SNTG2: variants seen among roughly 807,000 people sequenced by gnomAD.
SNTG2 encodes syntrophin gamma 2.
In SNTG2, 74 loss-of-function variants were observed where a neutral mutation model predicts 70.9. That is an observed-to-expected ratio of 1.04 (90% CI 0.86 to 1.27). The LOEUF is 1.27. Ranked by LOEUF, SNTG2 falls within the 50% of genes most tolerant of loss-of-function variation. The pLI, the probability that SNTG2 is intolerant of heterozygous loss-of-function variation, is 0.00. For synonymous variants in SNTG2, 278 were observed against 273.8 expected, an observed-to-expected ratio of 1.02 and a Z score of -0.15; for missense variants, 717 against 690.7, an observed-to-expected ratio of 1.04 and a Z score of -0.43.
intron 4 of SNTG2, among the ~76,000 whole-genome samples, chr2:1,109,884 C>G (rs1045694994): frequency 1.6e-4 from 24 of 152,074 alleles, no homozygotes; most frequent in African/African-American, 5.6e-4. Context: ...GTTTTGTCCC[C>G]GAAAGAAAGG....
intron 6 of SNTG2, among the ~76,000 whole-genome samples, 178 bp from the exon 7 acceptor site, chr2:1,165,370 C>T (rs555720087): frequency 3.0e-4 from 45 of 152,070 alleles, no homozygotes; most frequent in Non-Finnish European, 4.6e-4. Context: ...TAGGTGGTCT[C>T]GGAGGTGATA....
chr2:1,069,320 A>G (rs1663362537), intron 1 of SNTG2, among the ~76,000 whole-genome samples: 1 of 148,900 alleles, frequency 6.7e-6, no homozygotes, highest in South Asian at 2.2e-4. Flanking sequence ...ATATAAATGA[A>G]AAAAATTCTT....
intron 6 of SNTG2, among the ~76,000 whole-genome samples, chr2:1,151,096 C>T (rs184333937): frequency 7.2e-5 from 11 of 152,278 alleles, no homozygotes; most frequent in South Asian, 4.1e-4. Flanking sequence ...TATGGTATGA[C>T]GAACAGTGGA....
intron 15 of SNTG2, among the ~76,000 whole-genome samples, chr2:1,314,627 A>G (rs1386090757): frequency 6.6e-6 from 1 of 152,228 alleles, no homozygotes; most frequent in Non-Finnish European, 1.5e-5. Flanking sequence ...TCTGCTCGCG[A>G]CAAGAATGGA....
At chr2:1,193,674 G>C (rs1404687888) in intron 8 of SNTG2, among the ~76,000 whole-genome samples, 1 of 152,110 alleles carries the variant, frequency 6.6e-6, no homozygotes, top group African/African-American at 2.4e-5. Flanking sequence ...AAAGAAGAAA[G>C]TCCTGAGCAT....
At chr2:1,157,175 C>T (rs1033407280) in intron 6 of SNTG2, among the ~76,000 whole-genome samples, 20 of 152,184 alleles carry the variant, frequency 1.3e-4, no homozygotes, top group African/African-American at 4.6e-4. Context: ...TCCCCTCCAT[C>T]CCATCACTGC....
chr2:1,235,348 C>A (rs1418886940), intron 9 of SNTG2, among the ~76,000 whole-genome samples: 2 of 97,400 alleles, frequency 2.1e-5, no homozygotes, highest in Non-Finnish European at 4.2e-5. Flanking sequence ...GCAGGCCCCA[C>A]CAGGCACCCC....
At chr2:1,137,875 A>T in intron 6 of SNTG2, 66 bp downstream of exon 6, 1 of 1,426,050 alleles carries the variant, frequency 7.0e-7, no homozygotes, top group African/African-American at 1.4e-5. Context: ...TTGTCTCTAT[A>T]GTTGATATTT....
chr2:1,229,229 G>T (rs1293756204), intron 9 of SNTG2, among the ~76,000 whole-genome samples: 1 of 152,176 alleles, frequency 6.6e-6, no homozygotes, highest in Non-Finnish European at 1.5e-5. Context: ...GTAGAGCCTA[G>T]TGGTCTGTTT....
chr2:1,241,460 A>G (rs2148115554), intron 11 of SNTG2, among the ~76,000 whole-genome samples: 1 of 150,446 alleles, frequency 6.6e-6, no homozygotes, highest in East Asian at 1.9e-4. Context: ...AGAGGAAAGC[A>G]TTTTCTTTTT....
chr2:1,278,095 T>G (rs1307460104), intron 14 of SNTG2, among the ~76,000 whole-genome samples: 2 of 152,234 alleles, frequency 1.3e-5, no homozygotes, highest in Non-Finnish European at 2.9e-5. Flanking sequence ...AACTGGGACA[T>G]CTCTTTCGGT....
At chr2:991,360 G>A (rs968863059) in intron 1 of SNTG2, among the ~76,000 whole-genome samples, 4 of 113,816 alleles carry the variant, frequency 3.5e-5, no homozygotes, top group Non-Finnish European at 7.0e-5. Flanking sequence ...GAGCTTATAA[G>A]TTCTGTAATA....
At chr2:1,365,227 A>G (rs539275857) in intron 16 of SNTG2, among the ~76,000 whole-genome samples, 20 of 152,194 alleles carry the variant, frequency 1.3e-4, no homozygotes, top group Non-Finnish European at 2.6e-4. Flanking sequence ...GGTTCCACTC[A>G]TGACCAGAGT....
chr2:991,111 T>G (rs1451304213), intron 1 of SNTG2, among the ~76,000 whole-genome samples: 1 of 152,172 alleles, frequency 6.6e-6, no homozygotes, highest in Non-Finnish European at 1.5e-5. Context: ...AGACTTTCTC[T>G]TAATTTGCCT....
chr2:950,995 C>T lies in SNTG2; in HGVS notation c.-2C>T, dbSNP rs766579053. ...AGCGCGGACCCAGCCGCAGGGGCGGCGATGGGCACCGAGGGACCCCCGCCC... is the reference window on the plus strand; with the variant it reads ...AGCGCGGACCCAGCCGCAGGGGCGGTGATGGGCACCGAGGGACCCCCGCCC... On this transcript the variant is annotated 5_prime_UTR_variant, in exon 1 of 17. Transcript: ENST00000308624. 1.6e-6 allele frequency: 2 copies of T among 1,242,714 alleles called. No individual in the cohort carries two copies. Among genetic ancestry groups the T allele is most frequent in the Non-Finnish European group, 2.0e-6 (2 of 995,464 alleles). The allele number at this position is 1,242,714 out of a possible 1,614,324, so 77.0% of individuals were successfully genotyped here.
At chr2:1,262,622 G>GAGGAAACCCAAAGGCTCAGTCCAGACA (rs1558610487) in intron 13 of SNTG2, among the ~76,000 whole-genome samples, 4 of 152,178 alleles carry the variant, frequency 2.6e-5, no homozygotes, top group African/African-American at 4.8e-5. Context: ...CAGTCCAGAC[G>GAGGAAACCCAAAGGCTCAGTCCAGACA]AGGAAACCCA....
chr2:953,035 A>G (rs902155352), intron 1 of SNTG2, among the ~76,000 whole-genome samples: 5 of 152,200 alleles, frequency 3.3e-5, no homozygotes, highest in Admixed American at 6.5e-5. Flanking sequence ...ATTTCTAGTT[A>G]TATTTTTTCT....
intron 8 of SNTG2, among the ~76,000 whole-genome samples, chr2:1,184,107 G>GC (rs1212576593): frequency 6.6e-6 from 1 of 152,116 alleles, no homozygotes. Context: ...ACTTCTATGG[G>GC]CCCCCAGTCC....
intron 1 of SNTG2, among the ~76,000 whole-genome samples, chr2:1,082,843 C>T (rs1572388523): frequency 6.6e-6 from 1 of 152,342 alleles, no homozygotes; most frequent in East Asian, 1.9e-4. Flanking sequence ...TCTTTCTGAA[C>T]TGTCTTTCCT....
Sources: allele counts gnomAD v4.1 joint callset (sites outside exome capture counted in the v4.1 genomes callset), GRCh38; gene constraint gnomAD v4.1.1; transcripts MANE v1.5; gene names NCBI Gene and HGNC (gene_info 2026-07-23, HGNC 2026-07-21).